Variants in TNFRSF1B observed in about 807,000 individuals in gnomAD.
TNFRSF1B encodes tumor necrosis factor receptor superfamily member 1B.
A neutral mutation model predicts 44.6 loss-of-function variants in TNFRSF1B; 19 were observed. The ratio of observed to expected loss-of-function variants is 0.43; its 90% CI spans 0.30 to 0.62. The LOEUF (loss-of-function observed/expected upper bound fraction) is 0.62, where lower values mean the gene tolerates loss of function less well. TNFRSF1B is among the 20% of genes least tolerant of loss of function. The pLI, the probability that TNFRSF1B is intolerant of heterozygous loss-of-function variation, is 0.16. For synonymous variants in TNFRSF1B, 252 were observed against 261.1 expected, an observed-to-expected ratio of 0.97 and a Z score of 0.34; for missense variants, 541 against 619.9, an observed-to-expected ratio of 0.87 and a Z score of 1.35.
At chr1:12,206,607 G>T in intron 9 of TNFRSF1B, 133 bp from the exon 10 acceptor site, 1 of 960,092 alleles carries the variant, frequency 1.0e-6, no homozygotes, top group East Asian at 2.7e-5. Context: ...CAGCAGAGCT[G>T]GGCTAGAATC....
rs1639528730 is a variant in TNFRSF1B at position 12,207,325 on chromosome 1, C to T, written c.*305C>T. 1 of 353,804 alleles carries T rather than the reference C, an allele frequency of 2.8e-6. No individual in the cohort carries two copies. The highest frequency in any genetic ancestry group is 4.7e-5 in the Admixed American group (1 of 21,186). 21.9% of individuals were successfully genotyped at this position (353,804 alleles called of 1,614,324 possible). A position where few individuals can be genotyped will look rare whatever the true frequency, so the allele number is the denominator to read the frequency against. On this transcript the variant is annotated 3_prime_UTR_variant, in exon 10 of 10. Coordinates refer to ENST00000376259, the MANE Select transcript of TNFRSF1B (RefSeq NM_001066.3). Reference sequence around the variant, plus strand: ...CTCTGTGACCTGCCCCGCCCAGCTGCACCTGCCAGCCTGGCTTCTGGAGCC... The same window carrying T: ...CTCTGTGACCTGCCCCGCCCAGCTGTACCTGCCAGCCTGGCTTCTGGAGCC...
In TNFRSF1B at chr1:12,190,997, C is replaced by G. The variant is rs778524203; in HGVS notation, c.219C>G (p.Thr73=). 8.7e-6 allele frequency: 14 copies of G among 1,614,082 alleles called. No homozygotes were observed. Among genetic ancestry groups the G allele is most frequent in the Non-Finnish European group, 1.2e-5 (14 of 1,180,038 alleles). Reference sequence around the variant, plus strand: ...TCTTCTGTACCAAGACCTCGGACACCGTGTGTGACTCCTGTGAGGACAGCA... The same window carrying G: ...TCTTCTGTACCAAGACCTCGGACACGGTGTGTGACTCCTGTGAGGACAGCA... The part of the protein sequence containing the change: ...AKVFCTKTSD[T]VCDSCEDSTY... The change falls in exon 3 of 10, where the codon ACC becomes ACG. Residue 73 remains threonine (T), a synonymous_variant. Coordinates refer to ENST00000376259, the MANE Select transcript of TNFRSF1B (RefSeq NM_001066.3).
In TNFRSF1B at chr1:12,202,264, G is replaced by A. The variant is rs562803468; in HGVS notation, c.1105+93G>A. 2.2e-4 allele frequency: 331 copies of A among 1,489,304 alleles called. 5 individuals are homozygous for A. The South Asian group carries it at 3.7e-3, about 17-fold the overall frequency. The allele number at this position is 1,489,304 out of a possible 1,614,324, so 92.3% of individuals were successfully genotyped here. On this transcript the variant is annotated intron_variant, in intron 9 of 9. Transcript: ENST00000376259. The stretch of plus-strand genomic sequence containing the variant: ...TAGCCATCTCCTCCTGAGCCTCCCC[G>A]CAGGGTGGGACGAGGCCTGAGCCAC...
At chr1:12,194,209 A>C (rs945254812) in intron 7 of TNFRSF1B, among the ~76,000 whole-genome samples, 177 bp downstream of exon 7, 2 of 152,064 alleles carry the variant, frequency 1.3e-5, no homozygotes, top group Non-Finnish European at 2.9e-5. Context: ...TTAATTACTA[A>C]AAGGCAAGAG....
rs147786615 is a variant in TNFRSF1B, at chr1:12,169,122, G to T, written c.78+1953G>T. ...CCATTCTCTCCAGGAAAGCCTTTCC[G>T]CATTCTCAGTTGGATTTGATCTTCT... On this transcript the variant is annotated intron_variant, in intron 1 of 9. Coordinates refer to ENST00000376259, the MANE Select transcript of TNFRSF1B (RefSeq NM_001066.3). The surrounding 1 kb of genome is among the most constrained non-coding windows in gnomAD (Gnocchi z 4.5). Among the ~76,000 whole-genome samples, 1 of 152,116 alleles carries T rather than the reference G, an allele frequency of 6.6e-6. No individual in the cohort carries two copies. Among genetic ancestry groups the T allele is most frequent in the Non-Finnish European group, 1.5e-5 (1 of 68,026 alleles).
At chr1:12,174,570 G>A (rs1398832954) in intron 1 of TNFRSF1B, among the ~76,000 whole-genome samples, 1 of 152,186 alleles carries the variant, frequency 6.6e-6, no homozygotes. Context: ...TTGAAAAGTA[G>A]GAGGGGTTGG....
intron 8 of TNFRSF1B, among the ~76,000 whole-genome samples, chr1:12,201,075 C>T (rs1406250422): frequency 6.6e-6 from 1 of 151,924 alleles, no homozygotes; most frequent in Non-Finnish European, 1.5e-5. Context: ...TAACATAGCA[C>T]AACCCTGTCT....
In TNFRSF1B at chr1:12,207,586, G is replaced by A. The variant is rs998540022; in HGVS notation, c.*566G>A. 5 of 153,328 alleles carry A rather than the reference G, an allele frequency of 3.3e-5. No homozygotes were observed. The highest frequency in any genetic ancestry group is 2.6e-4 in the Admixed American group (4 of 15,332). The allele number at this position is 153,328 out of a possible 1,614,324, so 9.5% of individuals were successfully genotyped here. ...AGGTGGCAGCCCTGTAGGGAACGGG[G>A]TCCTTCAAGTTAGCTCAGGAGGCTT... On this transcript the variant is annotated 3_prime_UTR_variant, in exon 10 of 10. Coordinates refer to ENST00000376259, the MANE Select transcript of TNFRSF1B (RefSeq NM_001066.3).
At chr1:12,192,780 C>A in intron 5 of TNFRSF1B, 83 bp from the exon 6 acceptor site, 1 of 1,226,952 alleles carries the variant, frequency 8.2e-7, no homozygotes, top group Non-Finnish European at 1.1e-6. Flanking sequence ...TCCTATCCTG[C>A]CTGCTGGGGC....
intron 1 of TNFRSF1B, among the ~76,000 whole-genome samples, chr1:12,182,418 T>G (rs992668887): frequency 1.3e-5 from 2 of 152,322 alleles, no homozygotes; most frequent in Admixed American, 6.5e-5. Context: ...CCCTTTTCCT[T>G]AGCTCTTACC....
chr1:12,195,736 G>A (rs1639252110), intron 8 of TNFRSF1B, among the ~76,000 whole-genome samples: 1 of 152,164 alleles, frequency 6.6e-6, no homozygotes, highest in African/African-American at 2.4e-5. Context: ...TATGGGGTGA[G>A]CCAGAACATA....
At chr1:12,174,180 T>TTCTTCTTCTTCTTCTTCTTCC (rs1638594535) in intron 1 of TNFRSF1B, among the ~76,000 whole-genome samples, 1 of 82,574 alleles carries the variant, frequency 1.2e-5, no homozygotes, top group African/African-American at 5.6e-5. Context: ...CTCCTTCTCC[T>TTCTTCTTCTTCTTCTTCTTCC]TCTCCTTCTC....
At chr1:12,200,465 G>C (rs1389280855) in intron 8 of TNFRSF1B, among the ~76,000 whole-genome samples, 1 of 152,026 alleles carries the variant, frequency 6.6e-6, no homozygotes, top group Non-Finnish European at 1.5e-5. Context: ...AGGCTTTGTG[G>C]ACTGTATGGT....
chr1:12,198,691 G>GTTTTTGTTTTTTTTT, intron 8 of TNFRSF1B, among the ~76,000 whole-genome samples: 1 of 85,632 alleles, frequency 1.2e-5, no homozygotes, highest in East Asian at 3.3e-4. Context: ...CTGGAATTCT[G>GTTTTTGTTTTTTTTT]TTTTTTTTTT....
chr1:12,191,946 T>C, intron 4 of TNFRSF1B, 23 bp downstream of exon 4: 4 of 1,601,942 alleles, frequency 2.5e-6, no homozygotes, highest in Non-Finnish European at 3.4e-6. Flanking sequence ...GCTCAGGTCC[T>C]TGGGGACGCC....
intron 3 of TNFRSF1B, 189 bp from the exon 4 acceptor site, chr1:12,191,585 G>GGGACTGCGGAGAGTAGCA (rs1289334361): frequency 2.2e-5 from 15 of 677,336 alleles, no homozygotes; most frequent in Non-Finnish European, 3.1e-5. Context: ...GGAGAGTAGC[G>GGGACTGCGGAGAGTAGCA]GGACTGCGGA....
intron 9 of TNFRSF1B, among the ~76,000 whole-genome samples, chr1:12,204,818 C>CCAACAACA (rs1557641717): frequency 1.1e-4 from 16 of 151,288 alleles, no homozygotes; most frequent in African/African-American, 3.9e-4. Flanking sequence ...CCACCACCAA[C>CCAACAACA]AAAAAAACCC....
At position 12,187,263 on chromosome 1, in the gene TNFRSF1B, C is replaced by T. The variant is rs576722130; in HGVS notation, c.79-1533C>T. The stretch of plus-strand genomic sequence containing the variant: ...CCTCCTCCCAGGTTCAGGGGATTCT[C>T]CTGCCTCAGCCTCCAGAGTAGCTGG... On this transcript the variant is annotated intron_variant, in intron 1 of 9. Coordinates refer to ENST00000376259, the MANE Select transcript of TNFRSF1B (RefSeq NM_001066.3). The surrounding 1 kb of genome is among the most constrained non-coding windows in gnomAD (Gnocchi z 5.5). Among the ~76,000 whole-genome samples the T allele has an allele frequency of 2.0e-5, 3 of 152,044 alleles. No homozygotes were observed. In the East Asian group the frequency reaches 5.8e-4, roughly 29 times the overall value.
chr1:12,181,543 G>A (rs1022843706), intron 1 of TNFRSF1B, among the ~76,000 whole-genome samples: 1 of 152,144 alleles, frequency 6.6e-6, no homozygotes, highest in Non-Finnish European at 1.5e-5. Context: ...CCACTACCCT[G>A]ACCTCCTGGC....
Sources: gnomAD v4.1 joint callset for allele counts (sites outside exome capture counted in the v4.1 genomes callset) on GRCh38, gnomAD v4.1.1 for gene constraint, Gnocchi (gnomAD v3.1) non-coding constraint, MANE v1.5 for transcripts, NCBI Gene and HGNC (gene_info 2026-07-23, HGNC 2026-07-21) for gene names.